The following CNTNAP2 variants were observed in gnomAD, a reference collection of about 807,000 sequenced individuals.
CNTNAP2 encodes the protein contactin-associated protein-like 2.
Under a neutral mutation model 155.2 loss-of-function variants are expected in CNTNAP2, and 98 were observed. The ratio of observed to expected loss-of-function variants is 0.63; its 90% CI spans 0.54 to 0.75. CNTNAP2 has a LOEUF of 0.75. Ranked by LOEUF, CNTNAP2 falls within the 30% of genes least tolerant of loss-of-function variation. CNTNAP2 has a pLI of 0.00. For synonymous variants in CNTNAP2, 651 were observed against 631.2 expected, an observed-to-expected ratio of 1.03 and a Z score of -0.47; for missense variants, 1,727 against 1,688.1, an observed-to-expected ratio of 1.02 and a Z score of -0.40.
intron 8 of CNTNAP2, among the ~76,000 whole-genome samples, chr7:147,152,244 C>A (rs150291314): frequency 6.6e-6 from 1 of 151,930 alleles, no homozygotes; most frequent in Non-Finnish European, 1.5e-5. Context: ...TTCATTGGTT[C>A]TGTTCTCTGC....
intron 18 of CNTNAP2, among the ~76,000 whole-genome samples, chr7:148,211,069 G>A (rs557855503): frequency 1.8e-4 from 27 of 152,296 alleles, no homozygotes; most frequent in African/African-American, 4.8e-4. Context: ...CAAGGTCCCC[G>A]GGAGCAGAAC....
chr7:146,707,754 T>G (rs1800990994), intron 1 of CNTNAP2, among the ~76,000 whole-genome samples: 4 of 152,158 alleles, frequency 2.6e-5, no homozygotes, highest in Admixed American at 2.6e-4. Context: ...ATGGAAACTC[T>G]AGAAAAGAAA....
chr7:146,389,097 T>G lies in CNTNAP2; in HGVS notation c.97+272124T>G, dbSNP rs57489903. ...CTAAGTTTACTCATCCTATCTGTGG[T>G]GAAATAACAGTGTCTTTGTCACGTG... On this transcript the variant is annotated intron_variant, in intron 1 of 23. Coordinates refer to ENST00000361727, the MANE Select transcript of CNTNAP2 (RefSeq NM_014141.6). Among the ~76,000 whole-genome samples the G allele has an allele frequency of 7.1e-3, 1,085 of 152,276 alleles. 12 individuals are homozygous for G. The highest frequency in any genetic ancestry group is 0.025 in the African/African-American group (1,029 of 41,536).
chr7:148,100,708 A>C (rs973780223), intron 15 of CNTNAP2, among the ~76,000 whole-genome samples: 2 of 152,224 alleles, frequency 1.3e-5, no homozygotes, highest in African/African-American at 4.8e-5. Context: ...TGTTTCTTCA[A>C]ATACATACAG....
At chr7:148,079,288 G>A (rs547032379) in intron 15 of CNTNAP2, among the ~76,000 whole-genome samples, 1 of 152,196 alleles carries the variant, frequency 6.6e-6, no homozygotes, top group African/African-American at 2.4e-5. Flanking sequence ...GTCTGGAAAA[G>A]CAGGACAACT....
At chr7:148,033,127 A>T (rs2116465402) in intron 15 of CNTNAP2, among the ~76,000 whole-genome samples, 1 of 152,244 alleles carries the variant, frequency 6.6e-6, no homozygotes. Context: ...AACTACTGCC[A>T]CTGAGCAGAT....
At chr7:147,136,840 AT>A (rs1198808259) in intron 8 of CNTNAP2, among the ~76,000 whole-genome samples, 5 of 151,700 alleles carry the variant, frequency 3.3e-5, no homozygotes, top group African/African-American at 9.7e-5. Context: ...TTTACTGAAA[AT>A]TTTTTTTCAG....
At chr7:146,588,698 A>G (rs1798735976) in intron 1 of CNTNAP2, among the ~76,000 whole-genome samples, 1 of 152,018 alleles carries the variant, frequency 6.6e-6, no homozygotes, top group South Asian at 2.1e-4. Flanking sequence ...TGGTAGAGGT[A>G]GGATTTTGCC....
chr7:146,653,804 G>A (rs1467005784), intron 1 of CNTNAP2, among the ~76,000 whole-genome samples: 1 of 152,208 alleles, frequency 6.6e-6, no homozygotes, highest in South Asian at 2.1e-4. Flanking sequence ...ATTTTTGGCT[G>A]AAAGGAAATC....
Position 148,420,152 on chromosome 7 carries a change from A to G in CNTNAP2, c.*4536A>G, listed in dbSNP as rs952094352. The G allele has an allele frequency of 5.3e-5, 8 of 152,206 alleles. No individual in the cohort carries two copies. The highest frequency in any genetic ancestry group is 1.9e-4 in the African/African-American group (8 of 41,442). The allele number at this position is 152,206 out of a possible 1,614,324, so 9.4% of individuals were successfully genotyped here. On this transcript the variant is annotated 3_prime_UTR_variant, in exon 24 of 24. Transcript: ENST00000361727. ...CTGGGAGATGCAACATAGCAAAAGG[A>G]CAGAGAAATTAGAATTTTTTGTGCA...
chr7:146,320,267 A>G (rs1037625707), intron 1 of CNTNAP2, among the ~76,000 whole-genome samples: 7 of 152,042 alleles, frequency 4.6e-5, no homozygotes, highest in Admixed American at 6.6e-5. Context: ...ATACCTCTGT[A>G]GTTTGAGGTT....
At chr7:146,905,949 C>A (rs909817953) in intron 3 of CNTNAP2, among the ~76,000 whole-genome samples, 2 of 152,184 alleles carry the variant, frequency 1.3e-5, no homozygotes, top group South Asian at 4.1e-4. Flanking sequence ...ACGCACCACA[C>A]CGTGCGCGAG....
chr7:148,270,777 C>T lies in CNTNAP2; in HGVS notation c.3475+3651C>T, dbSNP rs149666525. ...CATGAAGTAGAAAGAATGTGGACTT[C>T]GGAATCAGGCAGAGCTTGTTAGACT... On this transcript the variant is annotated intron_variant, in intron 21 of 23. Coordinates refer to ENST00000361727, the MANE Select transcript of CNTNAP2 (RefSeq NM_014141.6). Among the ~76,000 whole-genome samples the T allele has an allele frequency of 4.6e-5, 7 of 152,254 alleles. No individual in the cohort carries two copies. In the East Asian group the frequency reaches 9.7e-4, roughly 21 times the overall value.
In CNTNAP2 at chr7:147,460,338, G is replaced by GTATC. The variant is rs1242288714; in HGVS notation, c.1671-25594_1671-25591dup. 2.0e-5 allele frequency among the ~76,000 whole-genome samples: 3 copies of GTATC among 152,096 alleles called. No homozygotes were observed. In the East Asian group the frequency reaches 5.8e-4, roughly 29 times the overall value. On this transcript the variant is annotated intron_variant, in intron 10 of 23. Transcript: ENST00000361727. The stretch of plus-strand genomic sequence containing the variant: ...ATTTTTCCTATTCAAACATGTTCTG[G>GTATC]TATCTACTAACACAACTGTATTAGG...
At chr7:147,504,470 C>G (rs572760095) in intron 11 of CNTNAP2, among the ~76,000 whole-genome samples, 56 of 152,192 alleles carry the variant, frequency 3.7e-4, no homozygotes, top group African/African-American at 1.3e-3. Context: ...GGGAGGATCA[C>G]TTGAGCCCAG....
At chr7:146,507,892 A>C (rs954192009) in intron 1 of CNTNAP2, among the ~76,000 whole-genome samples, 1 of 152,180 alleles carries the variant, frequency 6.6e-6, no homozygotes, top group Non-Finnish European at 1.5e-5. Flanking sequence ...TTTCCATGTG[A>C]AGACAAACTG....
intron 8 of CNTNAP2, among the ~76,000 whole-genome samples, chr7:147,155,376 C>G (rs1270717058): frequency 6.6e-6 from 1 of 152,108 alleles, no homozygotes; most frequent in African/African-American, 2.4e-5. Flanking sequence ...CCACTCTATG[C>G]TATCTTGTTA....
rs554625751 is a variant in CNTNAP2, at chr7:147,601,103, C to G, written c.1898-38003C>G. Among the ~76,000 whole-genome samples the G allele has an allele frequency of 2.0e-5, 3 of 152,278 alleles. No homozygotes were observed. The South Asian group carries it at 6.2e-4, about 32-fold the overall frequency. ...GTCCTGTGTCCCCGTTACTCAGCCTCAACAGGTTTCCATTCACAGCCAATG... is the reference window on the plus strand; with the variant it reads ...GTCCTGTGTCCCCGTTACTCAGCCTGAACAGGTTTCCATTCACAGCCAATG... On this transcript the variant is annotated intron_variant, in intron 12 of 23. Coordinates refer to ENST00000361727, the MANE Select transcript of CNTNAP2 (RefSeq NM_014141.6).
chr7:147,617,918 C>A (rs944290167), intron 12 of CNTNAP2, among the ~76,000 whole-genome samples: 8 of 152,068 alleles, frequency 5.3e-5, no homozygotes, highest in African/African-American at 1.9e-4. Context: ...TATAAGACTG[C>A]AAAGCTTTGA....
Sources: gnomAD v4.1 joint callset for allele counts (sites outside exome capture counted in the v4.1 genomes callset) on GRCh38, gnomAD v4.1.1 for gene constraint, MANE v1.5 for transcripts, NCBI Gene and HGNC (gene_info 2026-07-23, HGNC 2026-07-21) for gene names.